SH3RF1: variants seen among roughly 807,000 people sequenced by gnomAD.
SH3RF1 encodes the protein SH3 domain containing ring finger 1, also known as E3 ubiquitin-protein ligase SH3RF1.
Under a neutral mutation model 74.0 loss-of-function variants are expected in SH3RF1, and 32 were observed. The observed-to-expected ratio is 0.43, with a 90% CI of 0.33 to 0.58. The LOEUF (loss-of-function observed/expected upper bound fraction) is 0.58. Among genes scored for constraint, SH3RF1 ranks in the 20% least tolerant of loss-of-function variants. The pLI is 0.05. For synonymous variants in SH3RF1, 396 were observed against 439.6 expected, an observed-to-expected ratio of 0.90 and a Z score of 1.24; for missense variants, 954 against 1,130.9, an observed-to-expected ratio of 0.84 and a Z score of 2.24.
chr4:169,269,040 G>C lies in SH3RF1; in HGVS notation c.173C>G (p.Ser58Trp). The C allele has an allele frequency of 6.2e-7, 1 of 1,614,094 alleles. No individual in the cohort carries two copies. The highest frequency in any genetic ancestry group is 1.1e-5 in the South Asian group (1 of 91,066). ...GTTACTGGGAAGCTCCTCGACACCC[G>C]AGCCAACAAGAGTCCTGCACTCGGG... is the stretch of plus-strand genomic sequence containing the variant. Reference protein sequence around the residue: ...RCPECRTLVGSGVEELPSNIL... With the variant: ...RCPECRTLVGWGVEELPSNIL... The change falls in exon 2 of 12, where the codon TCG (serine) becomes TGG (tryptophan). Residue 58 changes from serine (S) to tryptophan (W), a missense_variant. Ser to Trp is a radical substitution (Grantham distance 177, BLOSUM62 -3). Transcript: ENST00000284637.
At chr4:169,211,047 C>T (rs1561053994) in intron 2 of SH3RF1, among the ~76,000 whole-genome samples, 1 of 152,210 alleles carries the variant, frequency 6.6e-6, no homozygotes, top group Non-Finnish European at 1.5e-5. Flanking sequence ...TTCCTCAAAA[C>T]ATATTTATTT....
At chr4:169,228,362 T>G (rs925394405) in intron 2 of SH3RF1, among the ~76,000 whole-genome samples, 5 of 151,466 alleles carry the variant, frequency 3.3e-5, no homozygotes, top group African/African-American at 1.2e-4. Context: ...CTCTCTGAGC[T>G]AAAATCAAGG....
intron 2 of SH3RF1, among the ~76,000 whole-genome samples, chr4:169,172,640 T>C (rs993407236): frequency 6.6e-6 from 1 of 152,144 alleles, no homozygotes; most frequent in African/African-American, 2.4e-5. Context: ...TGGTTCACAT[T>C]AGGTGTCAAC....
At chr4:169,104,057 T>C (rs535862565) in intron 11 of SH3RF1, among the ~76,000 whole-genome samples, 2 of 152,122 alleles carry the variant, frequency 1.3e-5, no homozygotes, top group East Asian at 3.8e-4. Context: ...AGGAGCCTGC[T>C]GTTAGAAAGG....
At chr4:169,241,625 G>C (rs965139933) in intron 2 of SH3RF1, among the ~76,000 whole-genome samples, 7 of 152,182 alleles carry the variant, frequency 4.6e-5, no homozygotes, top group African/African-American at 1.7e-4. Context: ...TAGGGCCCAA[G>C]TTCAGCTGCT....
intron 4 of SH3RF1, among the ~76,000 whole-genome samples, chr4:169,138,217 G>A (rs909566948): frequency 6.6e-6 from 1 of 152,190 alleles, no homozygotes; most frequent in Admixed American, 6.5e-5. Flanking sequence ...ATGAAGCAAA[G>A]TAATGCTTTA....
intron 2 of SH3RF1, among the ~76,000 whole-genome samples, chr4:169,209,522 G>C (rs1246772395): frequency 6.6e-6 from 1 of 152,126 alleles, no homozygotes; most frequent in Non-Finnish European, 1.5e-5. Context: ...TGGAATAACA[G>C]AGTGAGGACA....
chr4:169,187,073 AT>A (rs1734618329), intron 2 of SH3RF1, among the ~76,000 whole-genome samples: 1 of 151,976 alleles, frequency 6.6e-6, no homozygotes, highest in African/African-American at 2.4e-5. Context: ...CAAGGCTTCT[AT>A]TTTACACAAA....
chr4:169,179,116 G>A (rs1734468377), intron 2 of SH3RF1, among the ~76,000 whole-genome samples: 1 of 152,168 alleles, frequency 6.6e-6, no homozygotes, highest in South Asian at 2.1e-4. Flanking sequence ...GCTTATCCAG[G>A]TGGGCTTACT....
intron 11 of SH3RF1, among the ~76,000 whole-genome samples, chr4:169,097,459 T>C (rs1732951010): frequency 6.6e-6 from 1 of 152,168 alleles, no homozygotes; most frequent in Admixed American, 6.5e-5. Context: ...AAGGTGTCAT[T>C]ATCGCTTAAA....
intron 10 of SH3RF1, among the ~76,000 whole-genome samples, chr4:169,111,431 AT>A (rs113377416): frequency 0.022 from 3,119 of 142,800 alleles, 88 homozygotes; most frequent in African/African-American, 0.069. Context: ...ATTAAAAATA[AT>A]TTTTTTTTTT....
rs1732879458 is a variant in SH3RF1, at chr4:169,094,498, A to T, written c.*2021T>A. 9.0e-6 allele frequency: 1 copy of T among 111,068 alleles called. No homozygotes were observed. The highest frequency in any genetic ancestry group is 8.7e-5 in the Admixed American group (1 of 11,552). 6.9% of individuals were successfully genotyped at this position (111,068 alleles called of 1,614,324 possible). On this transcript the variant is annotated 3_prime_UTR_variant, in exon 12 of 12. Transcript: ENST00000284637. The stretch of plus-strand genomic sequence containing the variant: ...CTTTATACCAGGAAACTATGAACAG[A>T]GGTACTTCAATCACATAGCTTAAAA...
chr4:169,197,039 T>C (rs1734824701), intron 2 of SH3RF1, among the ~76,000 whole-genome samples: 2 of 152,302 alleles, frequency 1.3e-5, no homozygotes, highest in South Asian at 4.1e-4. Flanking sequence ...ATTGTCTCAC[T>C]CTTTCATCCA....
At chr4:169,170,781 C>A (rs1336656944) in intron 2 of SH3RF1, among the ~76,000 whole-genome samples, 2 of 152,176 alleles carry the variant, frequency 1.3e-5, no homozygotes, top group African/African-American at 2.4e-5. Flanking sequence ...TCTGTCTGAT[C>A]TGTCTGAAAT....
intron 2 of SH3RF1, 28 bp downstream of exon 2, chr4:169,268,792 C>T: frequency 6.5e-7 from 1 of 1,528,478 alleles, no homozygotes; most frequent in East Asian, 2.3e-5. Context: ...CACCTTTATT[C>T]ACCAAACTAC....
At chr4:169,156,750 G>T in intron 2 of SH3RF1, 71 bp from the exon 3 acceptor site, 1 of 1,413,700 alleles carries the variant, frequency 7.1e-7, no homozygotes, top group Non-Finnish European at 9.5e-7. Context: ...ATACAACTGC[G>T]TTGTCATTGT....
chr4:169,200,354 A>G (rs1309928151), intron 2 of SH3RF1, among the ~76,000 whole-genome samples: 1 of 152,192 alleles, frequency 6.6e-6, no homozygotes, highest in African/African-American at 2.4e-5. Context: ...AACAATAGGT[A>G]TTATATAGAC....
Position 169,149,299 on chromosome 4 carries a change from G to T in SH3RF1, c.765+6181C>A, listed in dbSNP as rs114853701. 6.7e-3 allele frequency among the ~76,000 whole-genome samples: 1,020 copies of T among 152,244 alleles called. 8 individuals carry two copies. Among genetic ancestry groups the T allele is most frequent in the African/African-American group, 0.023 (974 of 41,542 alleles). On this transcript the variant is annotated intron_variant, in intron 4 of 11. Transcript: ENST00000284637. ...CATATTTATTAAACAGCCGTTCCTG[G>T]AGCTCAGAGGAGACCTGCTTTTGCC...
intron 2 of SH3RF1, among the ~76,000 whole-genome samples, chr4:169,205,999 C>G (rs755901442): frequency 2.0e-5 from 3 of 152,136 alleles, no homozygotes; most frequent in Non-Finnish European, 4.4e-5. Context: ...ACAATATATT[C>G]ATATTTTTAA....
Sources: gnomAD v4.1 joint callset for allele counts (sites outside exome capture counted in the v4.1 genomes callset) on GRCh38, gnomAD v4.1.1 for gene constraint, MANE v1.5 for transcripts, NCBI Gene and HGNC (gene_info 2026-07-23, HGNC 2026-07-21) for gene names.